PROM1: variants seen among roughly 807,000 people sequenced by gnomAD.
PROM1 encodes the protein prominin 1.
A neutral mutation model predicts 116.9 loss-of-function variants in PROM1; 105 were observed. The ratio of observed to expected loss-of-function variants is 0.90; its 90% confidence interval spans 0.77 to 1.06. The LOEUF is 1.06. PROM1 is among the 50% of genes least tolerant of loss of function. The probability of loss-of-function intolerance (pLI) is 0.00; values close to 1 mark genes in which losing one functional copy is unlikely to be tolerated. For missense variants in PROM1, 1,122 were observed against 1,045.2 expected (o/e 1.07, Z -1.01); for synonymous variants, 393 against 387.0 (o/e 1.02, Z -0.18).
intron 3 of PROM1, among the ~76,000 whole-genome samples, chr4:16,037,002 G>T (rs1454042318): frequency 6.6e-6 from 1 of 152,182 alleles, no homozygotes; most frequent in East Asian, 1.9e-4. Context: ...GGAGCCAGGG[G>T]TATAAACCAA....
intron 3 of PROM1, among the ~76,000 whole-genome samples, chr4:16,038,569 A>G (rs1734462669): frequency 6.6e-6 from 1 of 150,896 alleles, no homozygotes; most frequent in South Asian, 2.1e-4. Context: ...CGCCCGGCTA[A>G]TTTTTGTATT....
chr4:15,998,804 C>G lies in PROM1; in HGVS notation c.1579-316G>C, dbSNP rs533741711. On this transcript the variant is annotated intron_variant, in intron 14 of 27. Transcript: ENST00000447510. ...GATCTCAGCTCACTGCAACCTCCCC[C>G]TTCCGGGTTAAAATGATTCTCCAGT... Among the ~76,000 whole-genome samples the G allele has an allele frequency of 7.2e-5, 11 of 152,270 alleles. No individual in the cohort carries two copies. The East Asian group carries it at 1.9e-3, about 27-fold the overall frequency.
intron 13 of PROM1, among the ~76,000 whole-genome samples, chr4:16,005,575 A>G (rs1316725822): frequency 6.6e-6 from 1 of 151,740 alleles, no homozygotes; most frequent in Non-Finnish European, 1.5e-5. Flanking sequence ...AGTTTTAAAA[A>G]ACAAATTAAT....
intron 1 of PROM1, 58 bp from the exon 2 acceptor site, chr4:16,076,176 G>T: frequency 2.0e-6 from 1 of 507,232 alleles, no homozygotes; most frequent in Non-Finnish European, 3.2e-6. Context: ...CCTGCACCTG[G>T]AGCTGCCCGG....
chr4:15,993,942 G>A (rs1188834264), intron 16 of PROM1, 45 bp downstream of exon 16: 1 of 1,575,936 alleles, frequency 6.3e-7, no homozygotes, highest in South Asian at 1.2e-5. Context: ...ACCTAGATTT[G>A]GTGAAGGAAT....
chr4:16,016,135 A>G lies in PROM1; in HGVS notation c.1077+31T>C, dbSNP rs199708414. The G allele has an allele frequency of 1.2e-5, 18 of 1,515,052 alleles. No individual in the cohort carries two copies. In the African/African-American group the frequency reaches 2.2e-4, roughly 19 times the overall value. 93.9% of individuals were successfully genotyped at this position (1,515,052 alleles called of 1,614,324 possible). ...AGTCCACCCTTTAAAATGATATAAA[A>G]TCAGTGATTGTATTTTTTCCAAAAG... On this transcript the variant is annotated intron_variant, in intron 10 of 27. Transcript: ENST00000447510.
chr4:16,004,985 A>C, intron 13 of PROM1, among the ~76,000 whole-genome samples: 1 of 109,132 alleles, frequency 9.2e-6, no homozygotes, highest in Non-Finnish European at 1.8e-5. Flanking sequence ...TTTTTTTGAC[A>C]GAGTCTCACT....
At position 16,022,372 on chromosome 4, in the gene PROM1, G is replaced by A. The variant is rs555215235; in HGVS notation, c.784+954C>T. Among the ~76,000 whole-genome samples, 56 of 152,272 alleles carry A rather than the reference G, an allele frequency of 3.7e-4. No individual in the cohort carries two copies. The South Asian group carries it at 7.9e-3, about 21-fold the overall frequency. ...TGTTCGTGATGTTATTGTCGATGTCGAGAATGTTGTTGTTGGCTGGACCCT... is the reference window on the plus strand; with the variant it reads ...TGTTCGTGATGTTATTGTCGATGTCAAGAATGTTGTTGTTGGCTGGACCCT... On this transcript the variant is annotated intron_variant, in intron 8 of 27. Transcript: ENST00000447510.
At chr4:16,035,954 G>A (rs1371495429) in intron 3 of PROM1, among the ~76,000 whole-genome samples, 193 bp from the exon 4 acceptor site, 1 of 152,220 alleles carries the variant, frequency 6.6e-6, no homozygotes, top group Non-Finnish European at 1.5e-5. Context: ...AGTGTTTTAA[G>A]TTGCTCTGAG....
At chr4:16,062,441 C>T (rs1456506115) in intron 2 of PROM1, among the ~76,000 whole-genome samples, 1 of 152,156 alleles carries the variant, frequency 6.6e-6, no homozygotes, top group African/African-American at 2.4e-5. Context: ...ATAAATACTA[C>T]ACCAACTAAA....
intron 2 of PROM1, among the ~76,000 whole-genome samples, chr4:16,067,475 C>T (rs1341882518): frequency 6.6e-6 from 1 of 152,340 alleles, no homozygotes; most frequent in East Asian, 1.9e-4. Context: ...GCTGTTGACT[C>T]GCCTAAATCC....
chr4:15,968,497 G>T lies in PROM1; in HGVS notation c.*896C>A, dbSNP rs181773019. ...ACACCAGATCTAAGAATTGTGACAG[G>T]ATCTTCTCATATTTCATTTTAGAAC... On this transcript the variant is annotated 3_prime_UTR_variant, in exon 28 of 28. Coordinates refer to ENST00000447510, the MANE Select transcript of PROM1 (RefSeq NM_006017.3). 6.6e-6 allele frequency: 1 copy of T among 152,282 alleles called. No homozygotes were observed. Among genetic ancestry groups the T allele is most frequent in the Admixed American group, 6.5e-5 (1 of 15,298 alleles). The allele number at this position is 152,282 out of a possible 1,614,324, so 9.4% of individuals were successfully genotyped here.
chr4:16,000,936 G>C (rs886685864), intron 13 of PROM1, among the ~76,000 whole-genome samples: 1 of 152,100 alleles, frequency 6.6e-6, no homozygotes, highest in African/African-American at 2.4e-5. Context: ...GTACTGTATA[G>C]GGGCCTGGGG....
At chr4:16,004,876 T>TCTCCCC (rs1724911587) in intron 13 of PROM1, among the ~76,000 whole-genome samples, 1 of 125,614 alleles carries the variant, frequency 8.0e-6, no homozygotes, top group African/African-American at 3.2e-5. Flanking sequence ...TCTCTCCCTC[T>TCTCCCC]CTCTCTCTCT....
At chr4:16,057,821 G>C (rs1187810660) in intron 2 of PROM1, among the ~76,000 whole-genome samples, 1 of 152,112 alleles carries the variant, frequency 6.6e-6, no homozygotes, top group East Asian at 1.9e-4. Flanking sequence ...AGCAAGCCCG[G>C]GGACCTAAGA....
chr4:15,975,527 CTTA>C (rs1482102274), intron 26 of PROM1, among the ~76,000 whole-genome samples: 1 of 152,154 alleles, frequency 6.6e-6, no homozygotes, highest in African/African-American at 2.4e-5. Context: ...CCTCAAAGCT[CTTA>C]TTATTCCCTC....
chr4:15,994,165 C>T (rs1208648837), intron 15 of PROM1, 94 bp from the exon 16 acceptor site: 8 of 1,575,204 alleles, frequency 5.1e-6, no homozygotes, highest in Non-Finnish European at 6.9e-6. Flanking sequence ...CACTGTTTCT[C>T]CTTGTTTAAT....
At chr4:16,052,704 C>T (rs1458729062) in intron 2 of PROM1, among the ~76,000 whole-genome samples, 3 of 152,180 alleles carry the variant, frequency 2.0e-5, no homozygotes, top group African/African-American at 7.2e-5. Flanking sequence ...TGGTGTCAAA[C>T]TCTTGGGCTC....
At chr4:16,021,695 C>T (rs781288218) in intron 8 of PROM1, among the ~76,000 whole-genome samples, 4 of 152,174 alleles carry the variant, frequency 2.6e-5, no homozygotes, top group Non-Finnish European at 5.9e-5. Flanking sequence ...TCCAGAGGTG[C>T]ATGTGTTGCC....
Sources: allele counts gnomAD v4.1 joint callset (sites outside exome capture counted in the v4.1 genomes callset), GRCh38; gene constraint gnomAD v4.1.1; transcripts MANE v1.5; gene names NCBI Gene and HGNC (gene_info 2026-07-23, HGNC 2026-07-21).